KIF21B: variants seen among roughly 807,000 people sequenced by gnomAD.
The protein encoded by KIF21B is kinesin family member 21B, also known as kinesin-like protein KIF21B.
A neutral mutation model predicts 192.9 loss-of-function variants in KIF21B; 85 were observed. The ratio of observed to expected loss-of-function variants is 0.44; its 90% CI spans 0.37 to 0.53. The LOEUF is 0.53. KIF21B is among the 20% of genes least tolerant of loss of function. The pLI, the probability that KIF21B is intolerant of heterozygous loss-of-function variation, is 0.00. For missense variants in KIF21B, 1,716 were observed against 2,194.8 expected (o/e 0.78, Z 4.36); for synonymous variants, 832 against 884.6 (o/e 0.94, Z 1.05).
chr1:201,021,372 G>A (rs529243048), intron 1 of KIF21B, among the ~76,000 whole-genome samples: 7 of 152,298 alleles, frequency 4.6e-5, no homozygotes, highest in Admixed American at 2.6e-4. Flanking sequence ...TTACCTTCCC[G>A]GAGACCCTGA....
Position 201,009,330 on chromosome 1 carries a change from C to G in KIF21B, c.200G>C (p.Cys67Ser). The G allele has an allele frequency of 1.2e-6, 2 of 1,614,268 alleles. No homozygotes were observed. The highest frequency in any genetic ancestry group is 1.7e-6 in the Non-Finnish European group (2 of 1,180,052). The change falls in exon 2 of 35, where the codon TGT (cysteine) becomes TCT (serine). Residue 67 changes from cysteine to serine, a missense_variant. Coordinates refer to ENST00000461742, the MANE Select transcript of KIF21B (RefSeq NM_001252102.2). Reference protein sequence around the residue: ...DTWQEQIYSTCVSKLIEGCFE... With the variant: ...DTWQEQIYSTSVSKLIEGCFE... ...GCAGCCCTCGATGAGCTTGCTCACA[C>G]AGGTGGAATAGATCTGTTCTTGCCA...
chr1:200,974,300 G>C (rs898322164), intron 34 of KIF21B: 13 of 1,327,330 alleles, frequency 9.8e-6, no homozygotes, highest in Non-Finnish European at 1.2e-5. Flanking sequence ...CATCTGAGTC[G>C]CACCCCATGG....
chr1:201,003,693 T>C lies in KIF21B; in HGVS notation c.1105A>G (p.Asn369Asp). Residue 369 changes from asparagine to aspartate, a missense_variant, in exon 8 of 35, where the codon AAC becomes GAC. Coordinates refer to ENST00000461742, the MANE Select transcript of KIF21B (RefSeq NM_001252102.2). The stretch of plus-strand genomic sequence containing the variant: ...TTCACTACCACCTTGTTCTTGATGT[T>C]GCGGGCCCGATTGGCATATTTGAGT... ...NTLKYANRAR[N>D]IKNKVVVNQD... 1 of 1,614,200 alleles carries C rather than the reference T, an allele frequency of 6.2e-7. No homozygotes were observed. Among genetic ancestry groups the C allele is most frequent in the Non-Finnish European group, 8.5e-7 (1 of 1,180,020 alleles).
In KIF21B at chr1:200,995,631, C is replaced by T. The variant is rs150758804; in HGVS notation, c.2277+565G>A. Among the ~76,000 whole-genome samples the T allele has an allele frequency of 2.6e-3, 402 of 152,344 alleles. 3 individuals are homozygous for T. The highest frequency in any genetic ancestry group is 9.0e-3 in the African/African-American group (376 of 41,580). ...GGGAGCCAGAGAACTGAGTTCAAAT[C>T]CCAGTGCTACCTCTTGGAAGCTGGA... On this transcript the variant is annotated intron_variant, in intron 15 of 34. Coordinates refer to ENST00000461742, the MANE Select transcript of KIF21B (RefSeq NM_001252102.2).
chr1:201,001,293 A>T (rs1171278729), intron 9 of KIF21B: 6 of 155,114 alleles, frequency 3.9e-5, no homozygotes, highest in Non-Finnish European at 1.4e-5. Flanking sequence ...ACTGGAAACA[A>T]CCTAAATGCC....
At position 200,971,963 on chromosome 1, in the gene KIF21B, C is replaced by CT. The variant is rs1655234272; in HGVS notation, c.*1557dup. Reference sequence around the variant, plus strand: ...GAAAGTCCAAAAGTCACTGCGTCCTCTGAAGGGAGGTGGGGCTGGCTCTTG... The same window carrying CT: ...GAAAGTCCAAAAGTCACTGCGTCCTCTTGAAGGGAGGTGGGGCTGGCTCTTG... On this transcript the variant is annotated 3_prime_UTR_variant, in exon 35 of 35. Coordinates refer to ENST00000461742, the MANE Select transcript of KIF21B (RefSeq NM_001252102.2). 1 of 149,262 alleles carries CT rather than the reference C, an allele frequency of 6.7e-6. No individual in the cohort carries two copies. Among genetic ancestry groups the CT allele is most frequent in the South Asian group, 2.1e-4 (1 of 4,704 alleles). The allele number at this position is 149,262 out of a possible 1,614,324, so 9.2% of individuals were successfully genotyped here.
chr1:200,995,554 G>C (rs539124563), intron 15 of KIF21B, among the ~76,000 whole-genome samples: 13 of 152,340 alleles, frequency 8.5e-5, no homozygotes, highest in African/African-American at 3.1e-4. Flanking sequence ...ACTCTGAGTG[G>C]TGGCAAAGTA....
At chr1:201,014,210 C>T (rs1658378046) in intron 1 of KIF21B, among the ~76,000 whole-genome samples, 1 of 152,262 alleles carries the variant, frequency 6.6e-6, no homozygotes, top group Non-Finnish European at 1.5e-5. Flanking sequence ...AAGCCGTCCT[C>T]CACCCCCGGA....
Position 200,988,560 on chromosome 1 carries a change from A to T in KIF21B, c.3299-16T>A. On this transcript the variant is annotated splice_polypyrimidine_tract_variant and intron_variant, in intron 22 of 34. Transcript: ENST00000461742. Reference sequence around the variant, plus strand: ...TAGCCATTCTCTGTGGGAGGGCGGGAGGGAGGGAAAGGGGTTGAGAAGCCC... The same window carrying T: ...TAGCCATTCTCTGTGGGAGGGCGGGTGGGAGGGAAAGGGGTTGAGAAGCCC... 1 of 323,922 alleles carries T rather than the reference A, an allele frequency of 3.1e-6. No homozygotes were observed. Among genetic ancestry groups the T allele is most frequent in the Non-Finnish European group, 5.4e-6 (1 of 184,874 alleles). 20.1% of individuals were successfully genotyped at this position (323,922 alleles called of 1,614,324 possible). A position where few individuals can be genotyped will look rare whatever the true frequency, so the allele number is the denominator to read the frequency against.
At chr1:201,007,381 G>C (rs111205705) in intron 3 of KIF21B, among the ~76,000 whole-genome samples, 1,146 of 34,824 alleles carry the variant, frequency 0.033, 12 homozygotes, top group African/African-American at 0.11. Flanking sequence ...CAGAGACAGA[G>C]ACACACAGAC....
intron 30 of KIF21B, among the ~76,000 whole-genome samples, chr1:200,978,554 A>G (rs1655714465): frequency 6.6e-6 from 1 of 151,910 alleles, no homozygotes; most frequent in African/African-American, 2.4e-5. Flanking sequence ...GCCCAAGTCC[A>G]TAGTTTATGT....
chr1:200,999,904 C>T lies in KIF21B; in HGVS notation c.1746G>A (p.Thr582=), dbSNP rs772043682. The T allele has an allele frequency of 7.4e-6, 12 of 1,613,826 alleles. No individual in the cohort carries two copies. Among genetic ancestry groups the T allele is most frequent in the South Asian group, 3.3e-5 (3 of 91,084 alleles). ...AKLQQENSEE[T]DENEAEEEEE... ...TCACCTCCTCCGCCTCGTTCTCATC[C>T]GTCTCCTCGCTGTTCTCCTGTTGGA... Residue 582 remains threonine, a synonymous_variant, in exon 12 of 35, where the codon ACG becomes ACA. Transcript: ENST00000461742. This position sits in a 1 kb window ranked among gnomAD's most constrained non-coding sequence, Gnocchi z 4.7.
In KIF21B at chr1:201,002,298, C is replaced by G. The variant is rs771634893; in HGVS notation, c.1265G>C (p.Arg422Pro). The G allele has an allele frequency of 4.3e-6, 7 of 1,614,224 alleles. No individual in the cohort carries two copies. Among genetic ancestry groups the G allele is most frequent in the South Asian group, 1.1e-5 (1 of 91,090 alleles). ...DGAEGYSDLFRENAMLQKENG... is the reference protein window; with the variant it reads ...DGAEGYSDLFPENAMLQKENG... ...CTCCTTCTGTAGCATGGCATTCTCT[C>G]GGAACAGATCACTATAGCCCTCAGC... is the stretch of plus-strand genomic sequence containing the variant. Residue 422 changes from arginine to proline, a missense_variant, in exon 9 of 35, where the codon CGA becomes CCA. Arg to Pro is a moderately radical substitution (Grantham distance 103). Transcript: ENST00000461742.
chr1:201,013,532 C>T (rs754158113), intron 1 of KIF21B, among the ~76,000 whole-genome samples: 14 of 152,066 alleles, frequency 9.2e-5, no homozygotes, highest in South Asian at 2.1e-4. Flanking sequence ...CTTTTTAAAA[C>T]GTTTTTGCAG....
In KIF21B at chr1:200,990,281, G is replaced by T. The variant is rs764862669; in HGVS notation, c.2887C>A (p.Arg963=). 6.2e-6 allele frequency: 10 copies of T among 1,613,404 alleles called. No homozygotes were observed. In the East Asian group the frequency reaches 1.1e-4, roughly 18 times the overall value. ...TCCTCGGGGCTCTCAGCCTGCAGCC[G>T]CTCCCGCTTCCTCCGCAGTGCCTCC... ...LQEALRRKRE[R]LQAESPEEEK... Residue 963 remains arginine, a synonymous_variant, in exon 20 of 35, where the codon CGG becomes AGG. Transcript: ENST00000461742. The surrounding 1 kb of genome is among the most constrained non-coding windows in gnomAD (Gnocchi z 5.4).
At chr1:201,002,007 A>T in intron 9 of KIF21B, 154 bp downstream of exon 9, 1 of 635,214 alleles carries the variant, frequency 1.6e-6, no homozygotes, top group Non-Finnish European at 2.8e-6. Context: ...TGCCATACAA[A>T]AATGTTTTAA....
intron 1 of KIF21B, among the ~76,000 whole-genome samples, chr1:201,020,013 TGTCCCTTGG>T (rs376985078): frequency 6.9e-4 from 105 of 152,234 alleles, no homozygotes; most frequent in African/African-American, 2.3e-3. Context: ...AATCTAACAT[TGTCCCTTGG>T]GTCCCTTGGA....
chr1:201,000,234 G>A lies in KIF21B; in HGVS notation c.1685+156C>T, dbSNP rs1477790204. On this transcript the variant is annotated intron_variant, in intron 11 of 34. Coordinates refer to ENST00000461742, the MANE Select transcript of KIF21B (RefSeq NM_001252102.2). The surrounding 1 kb of genome is among the most constrained non-coding windows in gnomAD (Gnocchi z 6.0). Reference sequence around the variant, plus strand: ...TGCCCAAAAGGCTGAGCAAATCTGCGCCATGAATTCCCAAGCAATACTGAG... The same window carrying A: ...TGCCCAAAAGGCTGAGCAAATCTGCACCATGAATTCCCAAGCAATACTGAG... 6.6e-6 allele frequency among the ~76,000 whole-genome samples: 1 copy of A among 152,174 alleles called. No homozygotes were observed. The highest frequency in any genetic ancestry group is 1.5e-5 in the Non-Finnish European group (1 of 68,022).
intron 3 of KIF21B, among the ~76,000 whole-genome samples, chr1:201,007,197 CAG>C (rs1286929034): frequency 1.9e-5 from 1 of 51,906 alleles, no homozygotes; most frequent in East Asian, 5.0e-4. Context: ...CAGAGACACA[CAG>C]ACACACACAC....
Sources: allele counts gnomAD v4.1 joint callset (sites outside exome capture counted in the v4.1 genomes callset), GRCh38; gene constraint gnomAD v4.1.1; non-coding constraint Gnocchi (gnomAD v3.1); transcripts MANE v1.5; gene names NCBI Gene and HGNC (gene_info 2026-07-23, HGNC 2026-07-21).